The following IL1RAPL2 variants were observed in gnomAD, a reference collection of about 807,000 sequenced individuals.
The protein encoded by IL1RAPL2 is interleukin 1 receptor accessory protein like 2, also known as X-linked interleukin-1 receptor accessory protein-like 2.
In IL1RAPL2, 3 loss-of-function variants were observed where a neutral mutation model predicts 44.1. The observed-to-expected ratio is 0.07, with a 90% CI of 0.03 to 0.18. The LOEUF (loss-of-function observed/expected upper bound fraction) is 0.18, where lower values mean the gene tolerates loss of function less well. Ranked by LOEUF, IL1RAPL2 falls within the 10% of genes least tolerant of loss-of-function variation. The pLI is 1.00. For synonymous variants in IL1RAPL2, 181 were observed against 178.8 expected, an observed-to-expected ratio of 1.01 and a Z score of -0.10; for missense variants, 391 against 496.4, an observed-to-expected ratio of 0.79 and a Z score of 2.02.
At chrX:105,572,150 T>A (rs1160656818) in intron 6 of IL1RAPL2, among the ~76,000 whole-genome samples, 4 of 111,579 alleles carry the variant, frequency 3.6e-5, no homozygotes, top group Non-Finnish European at 7.5e-5. Context: ...CATCAATTTT[T>A]CCCCGACATG....
intron 2 of IL1RAPL2, among the ~76,000 whole-genome samples, chrX:104,878,221 C>T (rs1253163749): frequency 1.8e-5 from 2 of 111,755 alleles, no homozygotes; most frequent in African/African-American, 3.3e-5. Context: ...ATGATCTTCC[C>T]TTTGATCTGG....
In IL1RAPL2 at chrX:104,901,199, C is replaced by CTTTTTT. The variant is rs1194148816; in HGVS notation, c.82+242228_82+242233dup. 1.7e-3 allele frequency among the ~76,000 whole-genome samples: 54 copies of CTTTTTT among 32,121 alleles called. 4 individuals carry two copies. The highest frequency in any genetic ancestry group is 6.7e-3 in the African/African-American group (50 of 7,454). 27.9% of individuals were successfully genotyped at this position (32,121 alleles called of 115,157 possible). A position where few individuals can be genotyped will look rare whatever the true frequency, so the allele number is the denominator to read the frequency against. On this transcript the variant is annotated intron_variant, in intron 2 of 10. Transcript: ENST00000372582. ...AGGAGTTGGTTGCTTTCTTTTGCTTCTTTTTTTTTTTTTTTTTTTTTTTTT... is the reference window on the plus strand; with the variant it reads ...AGGAGTTGGTTGCTTTCTTTTGCTTCTTTTTTTTTTTTTTTTTTTTTTTTTTTTTTT...
intron 4 of IL1RAPL2, among the ~76,000 whole-genome samples, chrX:105,252,912 ACT>A (rs1038544306): frequency 1.9e-5 from 2 of 104,915 alleles, no homozygotes; most frequent in African/African-American, 8.0e-5. Flanking sequence ...GAATCCAGCC[ACT>A]CTCAAAAGAG....
intron 2 of IL1RAPL2, among the ~76,000 whole-genome samples, chrX:104,675,606 C>G (rs993812023): frequency 2.7e-5 from 3 of 111,003 alleles, no homozygotes; most frequent in African/African-American, 9.9e-5. Context: ...CTGTAGATGT[C>G]TATTAGGTCC....
At chrX:104,884,891 G>A (rs1257699187) in intron 2 of IL1RAPL2, among the ~76,000 whole-genome samples, 2 of 110,848 alleles carry the variant, frequency 1.8e-5, no homozygotes, top group African/African-American at 6.6e-5. Context: ...AAGGAAATAA[G>A]CAAAGAAATC....
intron 5 of IL1RAPL2, among the ~76,000 whole-genome samples, chrX:105,374,246 T>C (rs2035368055): frequency 9.0e-6 from 1 of 111,257 alleles, no homozygotes; most frequent in African/African-American, 3.3e-5. Context: ...AGTCCTGTAG[T>C]ATAGTTTGAA....
chrX:104,736,552 A>G (rs1030339735), intron 2 of IL1RAPL2, among the ~76,000 whole-genome samples: 4 of 112,171 alleles, frequency 3.6e-5, no homozygotes, highest in Non-Finnish European at 7.5e-5. Flanking sequence ...TCCACCATGA[A>G]GTCATTTTAC....
chrX:105,697,734 A>G (rs2038088489), intron 6 of IL1RAPL2, among the ~76,000 whole-genome samples: 1 of 111,783 alleles, frequency 8.9e-6, no homozygotes, highest in Non-Finnish European at 1.9e-5. Context: ...AATCAATATT[A>G]TGTCTTATTC....
At chrX:105,488,187 G>A (rs901509890) in intron 6 of IL1RAPL2, among the ~76,000 whole-genome samples, 16 of 111,923 alleles carry the variant, frequency 1.4e-4, no homozygotes, top group Non-Finnish European at 2.3e-4. Flanking sequence ...TGGGTTGGCC[G>A]TCGGGACACA....
chrX:105,553,675 ATAAT>A (rs981563006), intron 6 of IL1RAPL2, among the ~76,000 whole-genome samples: 6 of 112,206 alleles, frequency 5.3e-5, no homozygotes, highest in African/African-American at 1.6e-4. Flanking sequence ...TATTATCTTA[ATAAT>A]TTATTTTTAT....
intron 5 of IL1RAPL2, among the ~76,000 whole-genome samples, chrX:105,404,869 A>C (rs2035631258): frequency 8.9e-6 from 1 of 112,152 alleles, no homozygotes; most frequent in Non-Finnish European, 1.9e-5. Context: ...ATACTTTCAC[A>C]AGATTTTATT....
At chrX:104,664,052 G>A (rs1414391809) in intron 2 of IL1RAPL2, among the ~76,000 whole-genome samples, 1 of 110,666 alleles carries the variant, frequency 9.0e-6, no homozygotes, top group Non-Finnish European at 1.9e-5. Context: ...AATGGTTTTA[G>A]GGTTAGGGAG....
At chrX:105,111,347 A>G (rs2032799833) in intron 2 of IL1RAPL2, among the ~76,000 whole-genome samples, 3 of 111,825 alleles carry the variant, frequency 2.7e-5, no homozygotes, top group South Asian at 7.5e-4. Flanking sequence ...GGAGAAGTCT[A>G]GGGTACAGTG....
At chrX:104,826,650 C>T (rs969098760) in intron 2 of IL1RAPL2, among the ~76,000 whole-genome samples, 19 of 111,248 alleles carry the variant, frequency 1.7e-4, no homozygotes, top group African/African-American at 4.9e-4. Context: ...GAGCTGAGTT[C>T]AATTCCTGAA....
intron 10 of IL1RAPL2, among the ~76,000 whole-genome samples, chrX:105,764,764 C>T (rs1003553871): frequency 1.4e-4 from 16 of 110,773 alleles, no homozygotes; most frequent in Non-Finnish European, 2.6e-4. Flanking sequence ...TGTGTTTGTG[C>T]CACTGCATTC....
chrX:105,217,111 A>C (rs1351620508), intron 3 of IL1RAPL2, among the ~76,000 whole-genome samples: 1 of 107,704 alleles, frequency 9.3e-6, no homozygotes, highest in Non-Finnish European at 1.9e-5. Flanking sequence ...ATGGGATCTA[A>C]TTAAACTAAA....
Position 105,512,613 on chromosome X carries a change from A to G in IL1RAPL2, c.772+28226A>G, listed in dbSNP as rs1296477177. Among the ~76,000 whole-genome samples the G allele has an allele frequency of 6.3e-5, 7 of 111,848 alleles. No individual in the cohort carries two copies. In the East Asian group the frequency reaches 2.0e-3, roughly 32 times the overall value. On this transcript the variant is annotated intron_variant, in intron 6 of 10. Coordinates refer to ENST00000372582, the MANE Select transcript of IL1RAPL2 (RefSeq NM_017416.2). The stretch of plus-strand genomic sequence containing the variant: ...CACATTTACTGAAAAGAAAAAATTC[A>G]TGAGATGAGGGCAGTTCAAGAAAAA...
chrX:105,067,966 C>T (rs2032159599), intron 2 of IL1RAPL2, among the ~76,000 whole-genome samples: 2 of 111,897 alleles, frequency 1.8e-5, no homozygotes, highest in Admixed American at 9.5e-5. Flanking sequence ...TCTTTACTCT[C>T]GATATCTTTG....
intron 4 of IL1RAPL2, among the ~76,000 whole-genome samples, chrX:105,258,087 T>C (rs2034329455): frequency 8.9e-6 from 1 of 111,942 alleles, no homozygotes; most frequent in African/African-American, 3.3e-5. Flanking sequence ...TTTCTATATT[T>C]ATTGTTATTT....
Sources: allele counts gnomAD v4.1 joint callset (sites outside exome capture counted in the v4.1 genomes callset), GRCh38; gene constraint gnomAD v4.1.1; transcripts MANE v1.5; gene names NCBI Gene and HGNC (gene_info 2026-07-23, HGNC 2026-07-21).